Variants in IL15RA observed in about 807,000 individuals in gnomAD.
IL15RA encodes interleukin-15 receptor subunit alpha.
In IL15RA, 26 loss-of-function variants were observed where a neutral mutation model predicts 24.2. The ratio of observed to expected loss-of-function variants is 1.07; its 90% CI spans 0.79 to 1.49. IL15RA has a LOEUF of 1.49. Ranked by LOEUF, IL15RA falls within the 40% of genes most tolerant of loss-of-function variation. The probability of loss-of-function intolerance (pLI) is 0.00; values close to 1 mark genes in which losing one functional copy is unlikely to be tolerated. For synonymous variants in IL15RA, 166 were observed against 157.6 expected, an observed-to-expected ratio of 1.05 and a Z score of -0.40; for missense variants, 354 against 356.4, an observed-to-expected ratio of 0.99 and a Z score of 0.05.
chr10:5,958,304 C>G lies in IL15RA; in HGVS notation c.616+1450G>C, dbSNP rs1834885553. ...TCCTCTATATGTTTATTTATACAGTCTCTCTGGAAGGATGCCTGGAAATCT... is the reference window on the plus strand; with the variant it reads ...TCCTCTATATGTTTATTTATACAGTGTCTCTGGAAGGATGCCTGGAAATCT... On this transcript the variant is annotated intron_variant, in intron 5 of 6. Coordinates refer to ENST00000379977, the MANE Select transcript of IL15RA (RefSeq NM_002189.4). The surrounding 1 kb of genome is among the most constrained non-coding windows in gnomAD (Gnocchi z 4.3). 1 of 454,134 alleles carries G rather than the reference C, an allele frequency of 2.2e-6. No homozygotes were observed. The highest frequency in any genetic ancestry group is 1.6e-5 in the South Asian group (1 of 64,268). 28.1% of individuals were successfully genotyped at this position (454,134 alleles called of 1,614,324 possible). A position where few individuals can be genotyped will look rare whatever the true frequency, so the allele number is the denominator to read the frequency against.
Position 5,966,426 on chromosome 10 carries a change from C to G in IL15RA, c.89-87G>C. The G allele has an allele frequency of 8.9e-7, 1 of 1,121,366 alleles. No homozygotes were observed. 69.5% of individuals were successfully genotyped at this position (1,121,366 alleles called of 1,614,324 possible). A position where few individuals can be genotyped will look rare whatever the true frequency, so the allele number is the denominator to read the frequency against. ...AGGCACACGCAGCGGTAGTCAGTGT[C>G]CAGCTTATCCTAGGGGTGCCTCAGG... On this transcript the variant is annotated intron_variant, in intron 1 of 6. Coordinates refer to ENST00000379977, the MANE Select transcript of IL15RA (RefSeq NM_002189.4). The surrounding 1 kb of genome is among the most constrained non-coding windows in gnomAD (Gnocchi z 6.4).
At position 5,970,459 on chromosome 10, in the gene IL15RA, A is replaced by G. The variant is rs950071449; in HGVS notation, c.89-4120T>C. ...TATCATTTCTGGGTGTTTTTGTAGCAGGAGGGTTTTTTGGTATCTACTCTG... is the reference window on the plus strand; with the variant it reads ...TATCATTTCTGGGTGTTTTTGTAGCGGGAGGGTTTTTTGGTATCTACTCTG... On this transcript the variant is annotated intron_variant, in intron 1 of 6. Coordinates refer to ENST00000379977, the MANE Select transcript of IL15RA (RefSeq NM_002189.4). This position sits in a 1 kb window ranked among gnomAD's most constrained non-coding sequence, Gnocchi z 4.1. Among the ~76,000 whole-genome samples, 1 of 152,200 alleles carries G rather than the reference A, an allele frequency of 6.6e-6. No individual in the cohort carries two copies. Among genetic ancestry groups the G allele is most frequent in the African/African-American group, 2.4e-5 (1 of 41,458 alleles).
At chr10:5,978,007 T>C (rs570632150), upstream of IL15RA, 637 of 161,312 alleles carry the variant, frequency 3.9e-3, 6 homozygotes, top group African/African-American at 0.013. The surrounding 1 kb of genome is among the most constrained non-coding windows in gnomAD (Gnocchi z 5.2). Flanking sequence ...CTGCGCTCGG[T>C]TGTGAGCGGC....
Position 5,952,597 on chromosome 10 carries a change from T to C in IL15RA, c.*498A>G, listed in dbSNP as rs1025469976. The C allele has an allele frequency of 4.4e-5, 7 of 160,286 alleles. No individual in the cohort carries two copies. The highest frequency in any genetic ancestry group is 1.4e-4 in the African/African-American group (6 of 41,604). 9.9% of individuals were successfully genotyped at this position (160,286 alleles called of 1,614,324 possible). On this transcript the variant is annotated 3_prime_UTR_variant, in exon 7 of 7. Transcript: ENST00000379977. Reference sequence around the variant, plus strand: ...CCCACCTTTCCCAGGTCCCTGTCCATGTGTGCAGAGCAGCTGGAGACAGGG... The same window carrying C: ...CCCACCTTTCCCAGGTCCCTGTCCACGTGTGCAGAGCAGCTGGAGACAGGG...
intron 5 of IL15RA, among the ~76,000 whole-genome samples, chr10:5,957,737 G>A (rs934656039): frequency 3.3e-5 from 5 of 151,816 alleles, no homozygotes; most frequent in East Asian, 3.9e-4. Context: ...GATTTCAGGC[G>A]CCTGCCACCA....
chr10:5,962,401 G>C lies in IL15RA; in HGVS notation c.382+1342C>G, dbSNP rs1835734368. Among the ~76,000 whole-genome samples, 1 of 152,074 alleles carries C rather than the reference G, an allele frequency of 6.6e-6. No homozygotes were observed. The highest frequency in any genetic ancestry group is 2.4e-5 in the African/African-American group (1 of 41,420). The stretch of plus-strand genomic sequence containing the variant: ...GAGGTCAGGAGTTTGAGACCAGACT[G>C]ACCAACATGGTGAAACCCTGTCTCT... On this transcript the variant is annotated intron_variant, in intron 3 of 6. Transcript: ENST00000379977. The surrounding 1 kb of genome is among the most constrained non-coding windows in gnomAD (Gnocchi z 5.2).
rs569496386 is a variant in IL15RA at position 5,955,980 on chromosome 10, G to A, written c.692+399C>T. ...TGGCCAGGAAAGGCGTCCTTCTTGGGAGGGGGCATTCTGGAATCACTATGG... is the reference window on the plus strand; with the variant it reads ...TGGCCAGGAAAGGCGTCCTTCTTGGAAGGGGGCATTCTGGAATCACTATGG... On this transcript the variant is annotated intron_variant, in intron 6 of 6. Transcript: ENST00000379977. The surrounding 1 kb of genome is among the most constrained non-coding windows in gnomAD (Gnocchi z 5.3). Among the ~76,000 whole-genome samples the A allele has an allele frequency of 2.1e-3, 326 of 152,228 alleles. No homozygotes were observed. The highest frequency in any genetic ancestry group is 3.6e-3 in the Non-Finnish European group (248 of 68,006).
Position 5,964,511 on chromosome 10 carries a change from A to G in IL15RA, c.284-670T>C, listed in dbSNP as rs2132482738. ...CAGGAAAAAAGTCATTCAAAGCACA[A>G]GAGTTTGGGAAGCATAACAGAGGGA... On this transcript the variant is annotated intron_variant, in intron 2 of 6. Transcript: ENST00000379977. This position sits in a 1 kb window ranked among gnomAD's most constrained non-coding sequence, Gnocchi z 5.6. Among the ~76,000 whole-genome samples the G allele has an allele frequency of 6.6e-6, 1 of 152,298 alleles. No homozygotes were observed. Among genetic ancestry groups the G allele is most frequent in the South Asian group, 2.1e-4 (1 of 4,828 alleles).
rs750053469 is a variant in IL15RA at position 5,964,361 on chromosome 10, C to T, written c.284-520G>A. ...TTAATTTTTTTGGTAGAGACAGGGT[C>T]TTGCTATGTTGCTGAGGCTGGTCTC... On this transcript the variant is annotated intron_variant, in intron 2 of 6. Coordinates refer to ENST00000379977, the MANE Select transcript of IL15RA (RefSeq NM_002189.4). This position sits in a 1 kb window ranked among gnomAD's most constrained non-coding sequence, Gnocchi z 5.6. Among the ~76,000 whole-genome samples the T allele has an allele frequency of 8.0e-4, 121 of 152,096 alleles. No individual in the cohort carries two copies. Among genetic ancestry groups the T allele is most frequent in the Non-Finnish European group, 1.4e-3 (93 of 68,012 alleles).
intron 5 of IL15RA, 48 bp from the exon 6 acceptor site, chr10:5,956,502 C>T: frequency 7.3e-7 from 1 of 1,376,730 alleles, no homozygotes; most frequent in South Asian, 1.2e-5. Context: ...ACATTCATTG[C>T]TACGAACCAC....
rs748993810 is a variant in IL15RA, at chr10:5,960,443, C to T, written c.507G>A (p.Glu169=). Residue 169 remains glutamate (E), a synonymous_variant, in exon 4 of 7, where the codon GAG becomes GAA. Coordinates refer to ENST00000379977, the MANE Select transcript of IL15RA (RefSeq NM_002189.4). This position sits in a 1 kb window ranked among gnomAD's most constrained non-coding sequence, Gnocchi z 5.1. ...TCTGAGAGGGGGTGCCGTGGGAGGACTCATGACTGCTTATCTCTGTGGTTC... is the reference window on the plus strand; with the variant it reads ...TCTGAGAGGGGGTGCCGTGGGAGGATTCATGACTGCTTATCTCTGTGGTTC... ...STGTTEISSH[E]SSHGTPSQTT... is the part of the protein sequence containing the mutation. 1.2e-6 allele frequency: 2 copies of T among 1,614,114 alleles called. No homozygotes were observed. Among genetic ancestry groups the T allele is most frequent in the Non-Finnish European group, 1.7e-6 (2 of 1,180,004 alleles).
At position 5,958,535 on chromosome 10, in the gene IL15RA, G is replaced by A. The variant is rs1000369290; in HGVS notation, c.616+1219C>T. Among the ~76,000 whole-genome samples, 5 of 152,100 alleles carry A rather than the reference G, an allele frequency of 3.3e-5. No individual in the cohort carries two copies. The highest frequency in any genetic ancestry group is 5.9e-5 in the Non-Finnish European group (4 of 68,018). ...CGAGTAGGTGGGACTACAGGCATGT[G>A]CCACCATGTCTGGCTAATTTTTTGT... is the stretch of plus-strand genomic sequence containing the variant. On this transcript the variant is annotated intron_variant, in intron 5 of 6. Transcript: ENST00000379977. The surrounding 1 kb of genome is among the most constrained non-coding windows in gnomAD (Gnocchi z 4.3).
chr10:5,972,721 G>T (rs1837817257), intron 1 of IL15RA, among the ~76,000 whole-genome samples: 3 of 152,106 alleles, frequency 2.0e-5, no homozygotes, highest in Non-Finnish European at 1.5e-5. Context: ...GTAAAAAAAT[G>T]AATCATATGA....
Position 5,960,564 on chromosome 10 carries a change from G to C in IL15RA, c.386C>G (p.Pro129Arg), listed in dbSNP as rs1469028404. The C allele has an allele frequency of 1.9e-6, 3 of 1,613,678 alleles. No homozygotes were observed. The highest frequency in any genetic ancestry group is 2.7e-5 in the African/African-American group (2 of 74,896). ...GTTTGAGCTGGGAGATGAAGCTGCGGGCTCTGTAGGAGAGTCCAAGGCAGG... is the reference window on the plus strand; with the variant it reads ...GTTTGAGCTGGGAGATGAAGCTGCGCGCTCTGTAGGAGAGTCCAAGGCAGG... ...PESLSPSGKE[P>R]AASSPSSNNT... The change falls in exon 4 of 7, where the codon CCC becomes CGC. Residue 129 changes from proline (P) to arginine (R), a missense_variant. Pro to Arg is a moderately radical substitution (Grantham distance 103, BLOSUM62 -2). Coordinates refer to ENST00000379977, the MANE Select transcript of IL15RA (RefSeq NM_002189.4). The surrounding 1 kb of genome is among the most constrained non-coding windows in gnomAD (Gnocchi z 5.1).
Position 5,961,612 on chromosome 10 carries a change from G to A in IL15RA, c.383-1045C>T, listed in dbSNP as rs1331856409. 2.0e-5 allele frequency among the ~76,000 whole-genome samples: 3 copies of A among 152,236 alleles called. No individual in the cohort carries two copies. The highest frequency in any genetic ancestry group is 2.1e-4 in the South Asian group (1 of 4,838). ...TCTCCGGGCTGTGTGGGAGGAAAGC[G>A]TCCTGATGAGCTTGCTCTCAGGAAC... is the stretch of plus-strand genomic sequence containing the variant. On this transcript the variant is annotated intron_variant, in intron 3 of 6. Transcript: ENST00000379977. This position sits in a 1 kb window ranked among gnomAD's most constrained non-coding sequence, Gnocchi z 5.2.
In IL15RA at chr10:5,958,625, G is replaced by C. The variant is rs1420822504; in HGVS notation, c.616+1129C>G. Among the ~76,000 whole-genome samples, 1 of 152,196 alleles carries C rather than the reference G, an allele frequency of 6.6e-6. No individual in the cohort carries two copies. Among genetic ancestry groups the C allele is most frequent in the Non-Finnish European group, 1.5e-5 (1 of 68,038 alleles). ...TGGTCTGGGACTCCTGGCCTCCAGT[G>C]ATCAGCCCCCCTCGGCCTCCCAAAC... On this transcript the variant is annotated intron_variant, in intron 5 of 6. Transcript: ENST00000379977. This position sits in a 1 kb window ranked among gnomAD's most constrained non-coding sequence, Gnocchi z 4.3.
At chr10:5,972,625 G>C (rs1187763419) in intron 1 of IL15RA, among the ~76,000 whole-genome samples, 1 of 152,096 alleles carries the variant, frequency 6.6e-6, no homozygotes, top group Non-Finnish European at 1.5e-5. Flanking sequence ...AAATAAGAAA[G>C]GGCAGACAAC....
chr10:5,956,443 T>C lies in IL15RA; in HGVS notation c.628A>G (p.Thr210Ala). 1 of 1,613,774 alleles carries C rather than the reference T, an allele frequency of 6.2e-7. No individual in the cohort carries two copies. The highest frequency in any genetic ancestry group is 1.1e-5 in the South Asian group (1 of 91,080). ...AGCCCACACAGCAGGACAGTGGACG[T>C]GGAGATAGCCACTGAAAGGGAGGAG... ...GHSDTTVAIS[T>A]STVLLCGLSA... The change falls in exon 6 of 7, where the codon ACG becomes GCG. Residue 210 changes from threonine to alanine, a missense_variant. By Grantham distance (58) the Thr-to-Ala change is moderately conservative. Coordinates refer to ENST00000379977, the MANE Select transcript of IL15RA (RefSeq NM_002189.4).
chr10:5,966,414 G>T lies in IL15RA; in HGVS notation c.89-75C>A. On this transcript the variant is annotated intron_variant, in intron 1 of 6. Coordinates refer to ENST00000379977, the MANE Select transcript of IL15RA (RefSeq NM_002189.4). The surrounding 1 kb of genome is among the most constrained non-coding windows in gnomAD (Gnocchi z 6.4). ...GAGGCGTTCTCCAGGCACACGCAGC[G>T]GTAGTCAGTGTCCAGCTTATCCTAG... 1.6e-6 allele frequency: 2 copies of T among 1,238,904 alleles called. No homozygotes were observed. Among genetic ancestry groups the T allele is most frequent in the Non-Finnish European group, 2.3e-6 (2 of 863,516 alleles). 76.7% of individuals were successfully genotyped at this position (1,238,904 alleles called of 1,614,324 possible).
Sources: gnomAD v4.1 joint callset for allele counts (sites outside exome capture counted in the v4.1 genomes callset) on GRCh38, gnomAD v4.1.1 for gene constraint, Gnocchi (gnomAD v3.1) non-coding constraint, MANE v1.5 for transcripts, NCBI Gene and HGNC (gene_info 2026-07-23, HGNC 2026-07-21) for gene names.